The following ZBTB20 variants were observed in gnomAD, a reference collection of about 807,000 sequenced individuals.
ZBTB20 encodes the protein zinc finger and BTB domain containing 20.
A neutral mutation model predicts 56.9 loss-of-function variants in ZBTB20; 9 were observed. The ratio of observed to expected loss-of-function variants is 0.16; its 90% confidence interval spans 0.10 to 0.28. ZBTB20 has a LOEUF of 0.28. ZBTB20 is among the 10% of genes least tolerant of loss of function. ZBTB20 has a pLI of 1.00. For missense variants in ZBTB20, 655 were observed against 1,003.0 expected (o/e 0.65, Z 4.69); for synonymous variants, 417 against 420.7 (o/e 0.99, Z 0.11).
chr3:115,040,785 T>C (rs1243679540), intron 2 of ZBTB20, among the ~76,000 whole-genome samples: 3 of 152,152 alleles, frequency 2.0e-5, no homozygotes, highest in African/African-American at 7.2e-5. Flanking sequence ...GAAACTCATT[T>C]CTATAAATAC....
At chr3:114,828,026 G>C (rs2108945161) in intron 4 of ZBTB20, among the ~76,000 whole-genome samples, 2 of 151,724 alleles carry the variant, frequency 1.3e-5, no homozygotes, top group Middle Eastern at 3.4e-3. Context: ...ATCAAAGTAA[G>C]ATTAAATGGG....
chr3:114,546,239 A>C (rs1271613060), intron 6 of ZBTB20, among the ~76,000 whole-genome samples: 1 of 152,210 alleles, frequency 6.6e-6, no homozygotes, highest in Non-Finnish European at 1.5e-5. Flanking sequence ...CATCTTCAGA[A>C]AGCAGCCTGG....
At chr3:115,146,988 G>C (rs2085012556) in intron 1 of ZBTB20, among the ~76,000 whole-genome samples, 1 of 148,320 alleles carries the variant, frequency 6.7e-6, no homozygotes, top group African/African-American at 2.5e-5. Context: ...GGGAGGGGGC[G>C]CGGGCGGGGC....
intron 6 of ZBTB20, among the ~76,000 whole-genome samples, chr3:114,560,725 G>C (rs2051917951): frequency 6.6e-6 from 1 of 152,152 alleles, no homozygotes; most frequent in African/African-American, 2.4e-5. Flanking sequence ...GGAGGGTCTT[G>C]CTTTGATGTT....
chr3:114,636,847 A>T (rs2059301560), intron 6 of ZBTB20, among the ~76,000 whole-genome samples: 1 of 152,086 alleles, frequency 6.6e-6, no homozygotes, highest in African/African-American at 2.4e-5. Context: ...TAGCTTCCCC[A>T]ATCAAAAGAT....
At chr3:114,428,818 T>G (rs1400338977) in intron 7 of ZBTB20, among the ~76,000 whole-genome samples, 1 of 152,190 alleles carries the variant, frequency 6.6e-6, no homozygotes, top group Non-Finnish European at 1.5e-5. Context: ...TTTTTTACCT[T>G]AGTGATCTTT....
chr3:114,926,266 T>G (rs1331389400), intron 3 of ZBTB20, among the ~76,000 whole-genome samples: 1 of 152,180 alleles, frequency 6.6e-6, no homozygotes, highest in Non-Finnish European at 1.5e-5. Context: ...TCACTTCATC[T>G]CATGACATTT....
intron 7 of ZBTB20, among the ~76,000 whole-genome samples, chr3:114,477,489 C>CTTTTTTT (rs765333264): frequency 7.3e-5 from 8 of 109,252 alleles, no homozygotes; most frequent in African/African-American, 2.7e-4. Flanking sequence ...GTTCCCTGCA[C>CTTTTTTT]TTTTTTTTTT....
chr3:114,724,049 A>G (rs1375385390), intron 5 of ZBTB20, among the ~76,000 whole-genome samples: 4 of 148,528 alleles, frequency 2.7e-5, no homozygotes, highest in Non-Finnish European at 6.0e-5. Flanking sequence ...TTTTTTTTGT[A>G]TTTTTAGTAG....
intron 6 of ZBTB20, among the ~76,000 whole-genome samples, chr3:114,576,830 C>G (rs1577699365): frequency 6.6e-6 from 1 of 151,156 alleles, no homozygotes; most frequent in African/African-American, 2.4e-5. Flanking sequence ...GAGAATAGAC[C>G]AAGCAAGCAT....
chr3:114,406,051 A>G (rs886211068), intron 7 of ZBTB20, among the ~76,000 whole-genome samples: 1 of 152,094 alleles, frequency 6.6e-6, no homozygotes, highest in African/African-American at 2.4e-5. Flanking sequence ...ACACTGGGTA[A>G]ATGTTATTTT....
At chr3:114,554,612 T>C (rs1389418720) in intron 6 of ZBTB20, among the ~76,000 whole-genome samples, 1 of 152,210 alleles carries the variant, frequency 6.6e-6, no homozygotes, top group Non-Finnish European at 1.5e-5. Context: ...TGAATAAATG[T>C]CAAATCCTTC....
intron 6 of ZBTB20, among the ~76,000 whole-genome samples, chr3:114,515,168 G>A (rs748005165): frequency 6.6e-6 from 1 of 152,078 alleles, no homozygotes; most frequent in Admixed American, 6.6e-5. Context: ...GGCTCCTTAC[G>A]GGGACACATA....
At chr3:114,976,239 T>C (rs997770241) in intron 2 of ZBTB20, among the ~76,000 whole-genome samples, 1 of 152,214 alleles carries the variant, frequency 6.6e-6, no homozygotes, top group Non-Finnish European at 1.5e-5. Context: ...CCTGGCCTGA[T>C]ATTTTAGATA....
At chr3:114,847,210 CA>C (rs1404221868) in intron 4 of ZBTB20, among the ~76,000 whole-genome samples, 5 of 151,708 alleles carry the variant, frequency 3.3e-5, no homozygotes, top group African/African-American at 4.8e-5. Context: ...TCACAATGGT[CA>C]CCTTGGAAGA....
At chr3:114,546,164 T>A (rs1244419575) in intron 6 of ZBTB20, among the ~76,000 whole-genome samples, 3 of 152,236 alleles carry the variant, frequency 2.0e-5, no homozygotes, top group Non-Finnish European at 4.4e-5. Flanking sequence ...TGGGTGTAGA[T>A]GTTTTTGGAG....
At chr3:114,389,932 C>T (rs2085659972) in intron 7 of ZBTB20, among the ~76,000 whole-genome samples, 2 of 146,618 alleles carry the variant, frequency 1.4e-5, no homozygotes, top group Non-Finnish European at 3.0e-5. Context: ...GTATTTATCA[C>T]TTTTTCATGG....
At chr3:114,485,587 T>C (rs2042025597) in intron 7 of ZBTB20, among the ~76,000 whole-genome samples, 1 of 152,214 alleles carries the variant, frequency 6.6e-6, no homozygotes, top group African/African-American at 2.4e-5. Context: ...TTATATGCTC[T>C]GAATGTTCAC....
intron 3 of ZBTB20, among the ~76,000 whole-genome samples, chr3:114,961,702 A>G (rs1435543433): frequency 6.6e-6 from 1 of 152,164 alleles, no homozygotes; most frequent in Non-Finnish European, 1.5e-5. Context: ...GCTTCCCAAA[A>G]TGTCAAATAA....
Sources: allele counts gnomAD v4.1 joint callset (sites outside exome capture counted in the v4.1 genomes callset), GRCh38; gene constraint gnomAD v4.1.1; transcripts MANE v1.5; gene names NCBI Gene and HGNC (gene_info 2026-07-23, HGNC 2026-07-21).